Variants in C6orf132 observed in about 807,000 individuals in gnomAD.
C6orf132 encodes the protein chromosome 6 open reading frame 132, also known as uncharacterized protein C6orf132.
Under a neutral mutation model 65.3 loss-of-function variants are expected in C6orf132, and 43 were observed. The ratio of observed to expected loss-of-function variants is 0.66; its 90% CI spans 0.52 to 0.85. The LOEUF (loss-of-function observed/expected upper bound fraction) is 0.85, where lower values mean the gene tolerates loss of function less well. C6orf132 is among the 40% of genes least tolerant of loss of function. The pLI is 0.00. For synonymous variants in C6orf132, 631 were observed against 654.1 expected (o/e 0.96, Z 0.54); for missense variants, 1,488 against 1,548.8 (o/e 0.96, Z 0.66).
chr6:42,122,717 A>G (rs1186178443), intron 2 of C6orf132, among the ~76,000 whole-genome samples: 3 of 152,138 alleles, frequency 2.0e-5, no homozygotes, highest in Admixed American at 1.3e-4. Context: ...GTTTAGAGAA[A>G]AGCTCCTGCA....
chr6:42,103,614 A>C lies in C6orf132; in HGVS notation c.*147T>G. On this transcript the variant is annotated 3_prime_UTR_variant, in exon 5 of 5. Coordinates refer to ENST00000341865, the MANE Select transcript of C6orf132 (RefSeq NM_001164446.3). ...CGGTCTTCCTGGGCCACTGCTTCTCATCGTTGGTCTTTGGGGATCAAAGAC... is the reference window on the plus strand; with the variant it reads ...CGGTCTTCCTGGGCCACTGCTTCTCCTCGTTGGTCTTTGGGGATCAAAGAC... 2 of 418,164 alleles carry C rather than the reference A, an allele frequency of 4.8e-6. No individual in the cohort carries two copies. Among genetic ancestry groups the C allele is most frequent in the Non-Finnish European group, 4.1e-6 (1 of 243,766 alleles). 25.9% of individuals were successfully genotyped at this position (418,164 alleles called of 1,614,324 possible). A position where few individuals can be genotyped will look rare whatever the true frequency, so the allele number is the denominator to read the frequency against.
intron 2 of C6orf132, among the ~76,000 whole-genome samples, chr6:42,120,913 G>A (rs954959284): frequency 2.6e-4 from 39 of 152,166 alleles, no homozygotes; most frequent in South Asian, 8.3e-4. Flanking sequence ...GAGCCACCGC[G>A]CCTGGCCTAG....
chr6:42,127,476 G>A lies in C6orf132; in HGVS notation c.252+1196C>T, dbSNP rs545974245. Among the ~76,000 whole-genome samples, 8 of 152,252 alleles carry A rather than the reference G, an allele frequency of 5.3e-5. No individual in the cohort carries two copies. The South Asian group carries it at 6.2e-4, about 12-fold the overall frequency. Reference sequence around the variant, plus strand: ...AAGTTGGACATAGCAGAAAAAAACCGGTGATGGGGAGAGGAAGGTGGTTGT... The same window carrying A: ...AAGTTGGACATAGCAGAAAAAAACCAGTGATGGGGAGAGGAAGGTGGTTGT... On this transcript the variant is annotated intron_variant, in intron 2 of 4. Coordinates refer to ENST00000341865, the MANE Select transcript of C6orf132 (RefSeq NM_001164446.3).
intron 2 of C6orf132, among the ~76,000 whole-genome samples, chr6:42,123,690 C>A (rs150134737): frequency 0.016 from 2,375 of 152,282 alleles, 25 homozygotes; most frequent in Middle Eastern, 0.068. Flanking sequence ...GATCACCCCT[C>A]ACTCAGCCAG....
rs892743306 is a variant in C6orf132, at chr6:42,103,379, G to A, written c.*382C>T. ...CTCGATGGGTTCCAGTTCAGTCAGTGCCCCACCCCTTGCTTTCAGAACCTG... is the reference window on the plus strand; with the variant it reads ...CTCGATGGGTTCCAGTTCAGTCAGTACCCCACCCCTTGCTTTCAGAACCTG... On this transcript the variant is annotated 3_prime_UTR_variant, in exon 5 of 5. Coordinates refer to ENST00000341865, the MANE Select transcript of C6orf132 (RefSeq NM_001164446.3). 1.3e-5 allele frequency: 5 copies of A among 397,038 alleles called. No homozygotes were observed. Among genetic ancestry groups the A allele is most frequent in the African/African-American group, 1.0e-4 (5 of 48,616 alleles). The allele number at this position is 397,038 out of a possible 1,614,324, so 24.6% of individuals were successfully genotyped here.
chr6:42,116,454 C>T (rs558188649), intron 2 of C6orf132, among the ~76,000 whole-genome samples: 1 of 152,220 alleles, frequency 6.6e-6, no homozygotes, highest in African/African-American at 2.4e-5. Flanking sequence ...TCCTTCCTTC[C>T]TGCTGCCCCT....
In C6orf132 at chr6:42,106,226, A is replaced by G. The variant is rs1456096996; in HGVS notation, c.1686T>C (p.Ser562=). Residue 562 remains serine, a synonymous_variant, in exon 4 of 5, where the codon AGT becomes AGC. Transcript: ENST00000341865. ...DYIPQDSPTP[S]VRQIRNELEA... is the part of the protein sequence containing the mutation. ...CCAGCTCATTCCGGATCTGCCGCAC[A>G]CTGGGAGTTGGAGAGTCTTGGGGAA... The G allele has an allele frequency of 9.1e-6, 14 of 1,537,062 alleles. No homozygotes were observed. In the Admixed American group the frequency reaches 2.4e-4, roughly 26 times the overall value.
Position 42,106,474 on chromosome 6 carries a change from C to A in C6orf132, c.1438G>T (p.Gly480Cys). 1 of 1,536,390 alleles carries A rather than the reference C, an allele frequency of 6.5e-7. No individual in the cohort carries two copies. Among genetic ancestry groups the A allele is most frequent in the Non-Finnish European group, 8.7e-7 (1 of 1,146,836 alleles). Residue 480 changes from glycine to cysteine, a missense_variant, in exon 4 of 5, where the codon GGC (glycine) becomes TGC (cysteine). By Grantham distance (159) the Gly-to-Cys change is radical. Transcript: ENST00000341865. ...AGGAATCGGTCCTCTCTCCTGGAGC[C>A]ACAGAGATAGGCTGCCAGCTCGTTC... ...LRNELAAYLCGSRREDRFLSH... is the reference protein window; with the variant it reads ...LRNELAAYLCCSRREDRFLSH...
At chr6:42,115,901 C>CTT (rs1294472315) in intron 2 of C6orf132, among the ~76,000 whole-genome samples, 3 of 126,006 alleles carry the variant, frequency 2.4e-5, no homozygotes, top group African/African-American at 8.4e-5. Context: ...TCAGCACTTT[C>CTT]TTTTTTTTTT....
intron 1 of C6orf132, among the ~76,000 whole-genome samples, chr6:42,135,896 C>G (rs1484310573): frequency 6.6e-6 from 1 of 152,054 alleles, no homozygotes; most frequent in East Asian, 1.9e-4. Context: ...CCAGGCCAGG[C>G]AACATGACTC....
intron 1 of C6orf132, among the ~76,000 whole-genome samples, chr6:42,131,587 G>A (rs1340805032): frequency 6.6e-6 from 1 of 152,186 alleles, no homozygotes. Context: ...ACGGGGGTGA[G>A]GAAGGCTCGG....
At chr6:42,112,782 A>T (rs1766514120) in intron 2 of C6orf132, among the ~76,000 whole-genome samples, 1 of 152,216 alleles carries the variant, frequency 6.6e-6, no homozygotes, top group Non-Finnish European at 1.5e-5. Flanking sequence ...CCCAGTTGTT[A>T]GTGATGGGCT....
At chr6:42,126,020 A>G (rs1419851731) in intron 2 of C6orf132, among the ~76,000 whole-genome samples, 2 of 151,572 alleles carry the variant, frequency 1.3e-5, no homozygotes, top group African/African-American at 4.9e-5. Context: ...GCAGGACAGC[A>G]GGAGCCACTC....
chr6:42,125,631 G>C (rs1015130046), intron 2 of C6orf132, among the ~76,000 whole-genome samples: 3 of 152,220 alleles, frequency 2.0e-5, no homozygotes, highest in Non-Finnish European at 4.4e-5. Flanking sequence ...CAGTGAGGGG[G>C]TGTGAGTTTT....
chr6:42,135,328 A>C (rs2127479918), intron 1 of C6orf132, among the ~76,000 whole-genome samples: 1 of 152,330 alleles, frequency 6.6e-6, no homozygotes, highest in East Asian at 1.9e-4. Context: ...GCACTGCCTT[A>C]CGCATGGCAG....
At chr6:42,123,439 GAGA>G (rs145822212) in intron 2 of C6orf132, among the ~76,000 whole-genome samples, 885 of 63,466 alleles carry the variant, frequency 0.014, 5 homozygotes, top group Non-Finnish European at 0.018. Flanking sequence ...GAAGGAGAAG[GAGA>G]AGAAGGAGAA....
At position 42,142,528 on chromosome 6, in the gene C6orf132, C is replaced by A; in HGVS notation, c.-84G>T. ...CCCGGACTGAACTCAGCACGGTCTC[C>A]CCAGGGGACTCTACCAGGCCATGTC... On this transcript the variant is annotated 5_prime_UTR_variant, in exon 1 of 5. Transcript: ENST00000341865. The A allele has an allele frequency of 2.8e-6, 4 of 1,423,522 alleles. No individual in the cohort carries two copies. The highest frequency in any genetic ancestry group is 2.8e-6 in the Non-Finnish European group (3 of 1,063,940). 88.2% of individuals were successfully genotyped at this position (1,423,522 alleles called of 1,614,324 possible).
At chr6:42,116,543 T>C (rs1006223068) in intron 2 of C6orf132, among the ~76,000 whole-genome samples, 3 of 152,044 alleles carry the variant, frequency 2.0e-5, no homozygotes, top group African/African-American at 7.2e-5. Context: ...ACTTTCCCAG[T>C]CTCCGCCTCA....
At chr6:42,139,678 G>GT (rs1002059757) in intron 1 of C6orf132, among the ~76,000 whole-genome samples, 85 of 150,470 alleles carry the variant, frequency 5.6e-4, no homozygotes, top group Middle Eastern at 3.4e-3. Context: ...ATTATGAGGG[G>GT]TTTTTTTTTG....
Sources: allele counts gnomAD v4.1 joint callset (sites outside exome capture counted in the v4.1 genomes callset), GRCh38; gene constraint gnomAD v4.1.1; transcripts MANE v1.5; gene names NCBI Gene and HGNC (gene_info 2026-07-23, HGNC 2026-07-21).